Variants in NOTCH2NLR observed in about 807,000 individuals in gnomAD.
NOTCH2NLR encodes the protein notch 2 N-terminal like R (pseudogene).
A neutral mutation model predicts 35.6 loss-of-function variants in NOTCH2NLR; 33 were observed. The ratio of observed to expected loss-of-function variants is 0.93; its 90% CI spans 0.70 to 1.24. NOTCH2NLR has a LOEUF of 1.24. NOTCH2NLR is among the 50% of genes most tolerant of loss of function. NOTCH2NLR has a pLI of 0.00. For synonymous variants in NOTCH2NLR, 103 were observed against 141.0 expected (o/e 0.73, Z 1.91); for missense variants, 276 against 362.2 (o/e 0.76, Z 1.93).
intron 2 of NOTCH2NLR, among the ~76,000 whole-genome samples, chr1:120,783,821 A>G (rs1214073291): frequency 8.9e-5 from 10 of 111,882 alleles, no homozygotes; most frequent in Non-Finnish European, 1.4e-4. Flanking sequence ...AGTTAGACAG[A>G]GGGAGTCATA....
Position 120,759,077 on chromosome 1 carries a change from C to T in NOTCH2NLR, c.74-4551C>T, listed in dbSNP as rs1257109085. ...GACAGGGAGTTTATTCTGTATACTA[C>T]GGTATCCCTGACATCAGGGCTTGTG... On this transcript the variant is annotated intron_variant, in intron 1 of 4. Coordinates refer to ENST00000624419, the Ensembl canonical transcript of NOTCH2NLR. 2.1e-5 allele frequency among the ~76,000 whole-genome samples: 2 copies of T among 93,378 alleles called. 1 individual carries two copies. The highest frequency in any genetic ancestry group is 3.8e-5 in the Non-Finnish European group (2 of 52,198). The allele number at this position is 93,378 out of a possible 152,430, so 61.3% of individuals were successfully genotyped here.
At position 120,776,214 on chromosome 1, in the gene NOTCH2NLR, A is replaced by G. The variant is rs1191649780; in HGVS notation, c.156-8760A>G. Among the ~76,000 whole-genome samples, 2 of 116,856 alleles carry G rather than the reference A, an allele frequency of 1.7e-5. 1 individual carries two copies. Among genetic ancestry groups the G allele is most frequent in the Non-Finnish European group, 3.3e-5 (2 of 61,030 alleles). 76.7% of individuals were successfully genotyped at this position (116,856 alleles called of 152,430 possible). A position where few individuals can be genotyped will look rare whatever the true frequency, so the allele number is the denominator to read the frequency against. On this transcript the variant is annotated intron_variant, in intron 2 of 4. Transcript: ENST00000624419. Reference sequence around the variant, plus strand: ...TTGACAGATAATCATAATAAGGGCTAATGAGTAACACAGGCTCAGGGTTAT... The same window carrying G: ...TTGACAGATAATCATAATAAGGGCTGATGAGTAACACAGGCTCAGGGTTAT...
At position 120,727,827 on chromosome 1, in the gene NOTCH2NLR, G is replaced by A. The variant is rs1650832351; in HGVS notation, c.73+3577G>A. 2.6e-5 allele frequency among the ~76,000 whole-genome samples: 3 copies of A among 116,698 alleles called. 1 individual carries two copies. The highest frequency in any genetic ancestry group is 8.2e-5 in the Admixed American group (1 of 12,260). 76.6% of individuals were successfully genotyped at this position (116,698 alleles called of 152,430 possible). ...TGTTTCCCCCCCTTTCTCTGCAAAT[G>A]ACTTGAAACCAAAAGGTCTTCTTTT... On this transcript the variant is annotated intron_variant, in intron 1 of 4. Coordinates refer to ENST00000624419, the Ensembl canonical transcript of NOTCH2NLR.
rs1651111903 is a variant in NOTCH2NLR at position 120,759,560 on chromosome 1, T to C, written c.74-4068T>C. Among the ~76,000 whole-genome samples the C allele has an allele frequency of 2.1e-5, 2 of 93,912 alleles. 1 individual carries two copies. Among genetic ancestry groups the C allele is most frequent in the African/African-American group, 1.6e-4 (2 of 12,844 alleles). 61.6% of individuals were successfully genotyped at this position (93,912 alleles called of 152,430 possible). ...TTACATTGGAAAAAAGTAAATTGAA[T>C]TTTGAAATGAGGTCTGTCCCGGTCT... On this transcript the variant is annotated intron_variant, in intron 1 of 4. Coordinates refer to ENST00000624419, the Ensembl canonical transcript of NOTCH2NLR.
intron 1 of NOTCH2NLR, among the ~76,000 whole-genome samples, chr1:120,727,011 A>G (rs1650822075): frequency 8.9e-6 from 1 of 112,984 alleles, no homozygotes; most frequent in South Asian, 2.6e-4. Flanking sequence ...GCAGCCTTAC[A>G]ATACATCTTA....
Position 120,785,178 on chromosome 1 carries a change from A to G in NOTCH2NLR, c.360A>G (p.Thr120=), listed in dbSNP as rs1651411714. 6.2e-6 allele frequency: 9 copies of G among 1,445,542 alleles called. No individual in the cohort carries two copies. In the Admixed American group the frequency reaches 1.6e-4, roughly 25 times the overall value. The allele number at this position is 1,445,542 out of a possible 1,614,324, so 89.5% of individuals were successfully genotyped here. The change falls in exon 3 of 5, where the codon ACA becomes ACG. Residue 120 remains threonine (T), a synonymous_variant. Coordinates refer to ENST00000624419, the Ensembl canonical transcript of NOTCH2NLR. ...CTCGACCTTGCCTGAATGGCGGCAC[A>G]TGCCATATGCTCAGCCGGGATACCT...
chr1:120,728,627 T>A (rs1650841475), intron 1 of NOTCH2NLR, among the ~76,000 whole-genome samples: 1 of 117,694 alleles, frequency 8.5e-6, no homozygotes, highest in Non-Finnish European at 1.6e-5. Flanking sequence ...TTGTCCAGAA[T>A]AGCCACACCT....
Position 120,764,188 on chromosome 1 carries a change from A to G in NOTCH2NLR, c.155+479A>G, listed in dbSNP as rs1444734723. ...CTTGAACCCAGGAGGCGGAGGTTGC[A>G]GTGAGCTGAGACCACATCATTGCAC... On this transcript the variant is annotated intron_variant, in intron 2 of 4. Transcript: ENST00000624419. Among the ~76,000 whole-genome samples, 2 of 115,512 alleles carry G rather than the reference A, an allele frequency of 1.7e-5. 1 individual carries two copies. Among genetic ancestry groups the G allele is most frequent in the Non-Finnish European group, 3.3e-5 (2 of 59,910 alleles). 75.8% of individuals were successfully genotyped at this position (115,512 alleles called of 152,430 possible). A position where few individuals can be genotyped will look rare whatever the true frequency, so the allele number is the denominator to read the frequency against.
In NOTCH2NLR at chr1:120,784,762, T is replaced by C. The variant is rs1292198339; in HGVS notation, c.156-212T>C. Among the ~76,000 whole-genome samples, 2 of 118,498 alleles carry C rather than the reference T, an allele frequency of 1.7e-5. 1 individual carries two copies. Among genetic ancestry groups the C allele is most frequent in the Non-Finnish European group, 3.3e-5 (2 of 61,522 alleles). 77.7% of individuals were successfully genotyped at this position (118,498 alleles called of 152,430 possible). ...AATGTAAACTCCAAGAGTGTAAGAA[T>C]TTTTCTGCCAGGACTCAAAAGGACA... On this transcript the variant is annotated intron_variant, in intron 2 of 4. Coordinates refer to ENST00000624419, the Ensembl canonical transcript of NOTCH2NLR.
chr1:120,790,798 C>T (rs1651484620), intron 3 of NOTCH2NLR, among the ~76,000 whole-genome samples: 2 of 105,428 alleles, frequency 1.9e-5, no homozygotes, highest in African/African-American at 6.1e-5. Context: ...TGGCGTTTCA[C>T]CATGTTGGCC....
chr1:120,752,556 T>TATATATA (rs1651033843), intron 1 of NOTCH2NLR, among the ~76,000 whole-genome samples: 1 of 8,160 alleles, frequency 1.2e-4, no homozygotes, highest in African/African-American at 1.4e-3. Context: ...ATATATATAT[T>TATATATA]TTTTTTTTTT....
rs1330800679 is a variant in NOTCH2NLR at position 120,724,401 on chromosome 1, C to G, written c.73+151C>G. Among the ~76,000 whole-genome samples, 2 of 120,370 alleles carry G rather than the reference C, an allele frequency of 1.7e-5. 1 individual carries two copies. Among genetic ancestry groups the G allele is most frequent in the Non-Finnish European group, 3.3e-5 (2 of 61,464 alleles). The allele number at this position is 120,370 out of a possible 152,430, so 79.0% of individuals were successfully genotyped here. A position where few individuals can be genotyped will look rare whatever the true frequency, so the allele number is the denominator to read the frequency against. The stretch of plus-strand genomic sequence containing the variant: ...CTCGCTGGGTTCCCAAGAGTTTGGA[C>G]ATCGCCGGGGGCCCCTCCCGTGGTG... On this transcript the variant is annotated intron_variant, in intron 1 of 4. Coordinates refer to ENST00000624419, the Ensembl canonical transcript of NOTCH2NLR.
intron 2 of NOTCH2NLR, among the ~76,000 whole-genome samples, chr1:120,778,450 T>A (rs1651323891): frequency 8.9e-6 from 1 of 111,804 alleles, no homozygotes; most frequent in South Asian, 2.5e-4. Context: ...CACATGAGAC[T>A]TTTTTTTCCC....
rs1452692804 is a variant in NOTCH2NLR, at chr1:120,789,498, A to T, written c.416-3663A>T. Among the ~76,000 whole-genome samples, 8 of 113,942 alleles carry T rather than the reference A, an allele frequency of 7.0e-5. 2 individuals are homozygous for T. Among genetic ancestry groups the T allele is most frequent in the African/African-American group, 1.1e-4 (2 of 18,804 alleles). The allele number at this position is 113,942 out of a possible 152,430, so 74.8% of individuals were successfully genotyped here. A position where few individuals can be genotyped will look rare whatever the true frequency, so the allele number is the denominator to read the frequency against. On this transcript the variant is annotated intron_variant, in intron 3 of 4. Coordinates refer to ENST00000624419, the Ensembl canonical transcript of NOTCH2NLR. ...CAAGAGAAAATTAGGAAGAAGCAAA[A>T]GCAGAACCCCTGAGGAACCCATCAG...
intron 1 of NOTCH2NLR, among the ~76,000 whole-genome samples, chr1:120,729,808 G>A (rs1172875512): frequency 8.7e-6 from 1 of 114,658 alleles, no homozygotes; most frequent in South Asian, 2.6e-4. Context: ...TCAAGAAATA[G>A]CCAGGTGATT....
intron 1 of NOTCH2NLR, among the ~76,000 whole-genome samples, chr1:120,742,304 TGTGTGTGC>T (rs1650947247): frequency 3.3e-4 from 10 of 30,730 alleles, no homozygotes; most frequent in Non-Finnish European, 3.6e-4. Flanking sequence ...TAACTCTGTG[TGTGTGTGC>T]GTGTGTGTGT....
chr1:120,790,407 C>A (rs1651474021), intron 3 of NOTCH2NLR, among the ~76,000 whole-genome samples: 1 of 115,818 alleles, frequency 8.6e-6, no homozygotes, highest in Non-Finnish European at 1.6e-5. Context: ...TGTGATAGCA[C>A]TATACCTCAG....
chr1:120,778,447 G>A lies in NOTCH2NLR; in HGVS notation c.156-6527G>A, dbSNP rs1309994866. 5.4e-5 allele frequency among the ~76,000 whole-genome samples: 6 copies of A among 111,910 alleles called. 2 individuals carry two copies. Among genetic ancestry groups the A allele is most frequent in the African/African-American group, 3.4e-4 (6 of 17,788 alleles). The allele number at this position is 111,910 out of a possible 152,430, so 73.4% of individuals were successfully genotyped here. On this transcript the variant is annotated intron_variant, in intron 2 of 4. Transcript: ENST00000624419. ...TTCAGTGCCGACGCAACCCACATGA[G>A]ACTTTTTTTTCCCCTTCGTTCCACA...
chr1:120,750,115 T>TTCTA (rs1325274927), intron 1 of NOTCH2NLR, among the ~76,000 whole-genome samples: 1 of 77,412 alleles, frequency 1.3e-5, no homozygotes, highest in Admixed American at 1.3e-4. Context: ...ACTGCGTATT[T>TTCTA]ACAGATGTAG....
Sources: gnomAD v4.1 joint callset for allele counts (sites outside exome capture counted in the v4.1 genomes callset) on GRCh38, gnomAD v4.1.1 for gene constraint, MANE v1.5 for transcripts, NCBI Gene and HGNC (gene_info 2026-07-23, HGNC 2026-07-21) for gene names.